MED12L: variants seen among roughly 807,000 people sequenced by gnomAD.
MED12L encodes mediator complex subunit 12L, also known as mediator of RNA polymerase II transcription subunit 12-like protein.
A neutral mutation model predicts 281.3 loss-of-function variants in MED12L; 60 were observed. That is an observed-to-expected ratio of 0.21 (90% confidence interval 0.17 to 0.26). The LOEUF (loss-of-function observed/expected upper bound fraction) is 0.26, where lower values mean the gene tolerates loss of function less well. Among genes scored for constraint, MED12L ranks in the 10% least tolerant of loss-of-function variants. The pLI is 1.00. For synonymous variants in MED12L, 974 were observed against 987.2 expected, an observed-to-expected ratio of 0.99 and a Z score of 0.25; for missense variants, 2,146 against 2,680.9, an observed-to-expected ratio of 0.80 and a Z score of 4.41.
In MED12L at chr3:151,432,383, G is replaced by T. The variant is rs1719639092; in HGVS notation, c.6491-369G>T. Among the ~76,000 whole-genome samples, 3 of 152,314 alleles carry T rather than the reference G, an allele frequency of 2.0e-5. No individual in the cohort carries two copies. In the South Asian group the frequency reaches 6.2e-4, roughly 32 times the overall value. ...AATCTAATTTTTTCTTACCAATTAT[G>T]TGTTAAAGTAGAATTGCTGACTTTC... On this transcript the variant is annotated intron_variant, in intron 44 of 44. Transcript: ENST00000687756.
chr3:151,367,892 G>A (rs192116064), intron 24 of MED12L, 126 bp downstream of exon 24: 90 of 1,077,342 alleles, frequency 8.4e-5, no homozygotes, highest in Admixed American at 5.2e-4. Context: ...GTAGTATCAA[G>A]GTAGATATGG....
Position 151,436,493 on chromosome 3 carries a change from T to C in MED12L, c.*3689T>C. 2.2e-6 allele frequency: 1 copy of C among 458,476 alleles called. No homozygotes were observed. 28.4% of individuals were successfully genotyped at this position (458,476 alleles called of 1,614,324 possible). Reference sequence around the variant, plus strand: ...AAAAGTGCCTTAAGTTAAAAGTTTGTTTTGAGATCCATTAAATAAATCAGT... The same window carrying C: ...AAAAGTGCCTTAAGTTAAAAGTTTGCTTTGAGATCCATTAAATAAATCAGT... On this transcript the variant is annotated 3_prime_UTR_variant, in exon 45 of 45. Transcript: ENST00000687756.
Position 151,414,835 on chromosome 3 carries a change from C to T in MED12L, c.6298-1477C>T, listed in dbSNP as rs565514199. The stretch of plus-strand genomic sequence containing the variant: ...TTTCCAATGGTAAAAGCTCTCTAAT[C>T]CTGTTTTGTCATGGAAATACTTATA... On this transcript the variant is annotated intron_variant, in intron 42 of 44. Transcript: ENST00000687756. Among the ~76,000 whole-genome samples the T allele has an allele frequency of 7.8e-3, 1,182 of 152,140 alleles. 7 individuals are homozygous for T. Among genetic ancestry groups the T allele is most frequent in the South Asian group, 0.024 (115 of 4,820 alleles).
intron 16 of MED12L, among the ~76,000 whole-genome samples, chr3:151,303,205 A>T (rs1434018864): frequency 1.3e-5 from 2 of 152,220 alleles, no homozygotes; most frequent in Admixed American, 6.5e-5. Context: ...GAGGCCTCCC[A>T]GGTATTTGAC....
chr3:151,156,421 T>C (rs1719292998), intron 6 of MED12L, 91 bp downstream of exon 6: 9 of 1,253,910 alleles, frequency 7.2e-6, no homozygotes, highest in Non-Finnish European at 9.9e-6. Context: ...TTAAATCCTA[T>C]TTTACATGAA....
At chr3:151,356,744 T>TA (rs1357114105) in intron 19 of MED12L, among the ~76,000 whole-genome samples, 1 of 152,194 alleles carries the variant, frequency 6.6e-6, no homozygotes, top group African/African-American at 2.4e-5. Flanking sequence ...GAACAAACCT[T>TA]ATGATTTGAT....
At chr3:151,319,472 T>TGTGC (rs1553777831) in intron 16 of MED12L, among the ~76,000 whole-genome samples, 5 of 68,486 alleles carry the variant, frequency 7.3e-5, no homozygotes, top group African/African-American at 2.1e-4. Flanking sequence ...TGTGTGCGTG[T>TGTGC]GTGTGTGTGT....
intron 37 of MED12L, 72 bp from the exon 38 acceptor site, chr3:151,389,907 T>C (rs1713964563): frequency 6.7e-7 from 1 of 1,494,474 alleles, no homozygotes; most frequent in Admixed American, 1.7e-5. Context: ...GATAGCTTAC[T>C]GAAGTTATTT....
chr3:151,334,188 C>CTTTTTT (rs1225344552), intron 16 of MED12L, among the ~76,000 whole-genome samples: 7 of 30,280 alleles, frequency 2.3e-4, no homozygotes, highest in South Asian at 1.3e-3. Context: ...TTTTTTCTTT[C>CTTTTTT]TTTCTTTCTT....
chr3:151,117,269 G>A (rs546363141), intron 3 of MED12L, among the ~76,000 whole-genome samples: 17 of 151,920 alleles, frequency 1.1e-4, no homozygotes, highest in East Asian at 9.7e-4. Context: ...TAGGGGCCCC[G>A]CTAACCTGGC....
intron 16 of MED12L, among the ~76,000 whole-genome samples, chr3:151,251,248 A>T (rs563442844): frequency 6.6e-6 from 1 of 152,058 alleles, no homozygotes; most frequent in Non-Finnish European, 1.5e-5. Context: ...TTCTACCCAG[A>T]TGCTTCTTGG....
intron 18 of MED12L, among the ~76,000 whole-genome samples, chr3:151,355,517 A>G (rs1012638521): frequency 2.0e-5 from 3 of 152,200 alleles, no homozygotes; most frequent in Non-Finnish European, 4.4e-5. Context: ...GTTTGGTCCT[A>G]TATTGCAATT....
At chr3:151,151,031 C>CTTGTTTTTTTTTTTTTT (rs1718398683) in intron 5 of MED12L, among the ~76,000 whole-genome samples, 1 of 32,880 alleles carries the variant, frequency 3.0e-5, no homozygotes, top group African/African-American at 1.2e-4. Flanking sequence ...GCTGAAGTAG[C>CTTGTTTTTTTTTTTTTT]TTTTTTTTTT....
At chr3:151,167,484 A>G (rs890660699) in intron 11 of MED12L, among the ~76,000 whole-genome samples, 33 of 152,248 alleles carry the variant, frequency 2.2e-4, no homozygotes, top group African/African-American at 7.5e-4. Flanking sequence ...AACCACCATC[A>G]AAAACCTTTC....
chr3:151,210,599 A>T (rs1488535520), intron 16 of MED12L, among the ~76,000 whole-genome samples: 1 of 152,248 alleles, frequency 6.6e-6, no homozygotes, highest in Admixed American at 6.5e-5. Context: ...AATGGAATGT[A>T]AGGATTTCTG....
chr3:151,177,898 C>T (rs1195973945), intron 11 of MED12L, among the ~76,000 whole-genome samples: 1 of 151,954 alleles, frequency 6.6e-6, no homozygotes, highest in Non-Finnish European at 1.5e-5. Flanking sequence ...AGGGCTGGGC[C>T]TATAGTTTGT....
chr3:151,241,452 A>G lies in MED12L; in HGVS notation c.2250+47786A>G, dbSNP rs1450839966. On this transcript the variant is annotated intron_variant, in intron 16 of 44. Coordinates refer to ENST00000687756, the MANE Select transcript of MED12L (RefSeq NM_001393769.1). ...ATGTGTTGATCCCTAGCGACTTATTAAATGTTTTGTGTTGAAGAAACACTA... is the reference window on the plus strand; with the variant it reads ...ATGTGTTGATCCCTAGCGACTTATTGAATGTTTTGTGTTGAAGAAACACTA... Among the ~76,000 whole-genome samples the G allele has an allele frequency of 3.5e-4, 53 of 152,160 alleles. 1 individual carries two copies. The highest frequency in any genetic ancestry group is 1.0e-4 in the Non-Finnish European group (7 of 68,030).
At chr3:151,130,194 G>A (rs186041307) in intron 5 of MED12L, among the ~76,000 whole-genome samples, 1 of 152,166 alleles carries the variant, frequency 6.6e-6, no homozygotes, top group African/African-American at 2.4e-5. Context: ...ATCAAATCAA[G>A]GTCTTGATTT....
chr3:151,270,072 TGAA>T (rs902908295), intron 16 of MED12L: 14 of 221,072 alleles, frequency 6.3e-5, no homozygotes, highest in Non-Finnish European at 9.8e-5. Context: ...AGGATGAAGA[TGAA>T]GAAGATGAAG....
Sources: allele counts gnomAD v4.1 joint callset (sites outside exome capture counted in the v4.1 genomes callset), GRCh38; gene constraint gnomAD v4.1.1; transcripts MANE v1.5; gene names NCBI Gene and HGNC (gene_info 2026-07-23, HGNC 2026-07-21).